The following CDH4 variants were observed in gnomAD, a reference collection of about 807,000 sequenced individuals.
The protein encoded by CDH4 is cadherin-4.
A neutral mutation model predicts 86.0 loss-of-function variants in CDH4; 33 were observed. The ratio of observed to expected loss-of-function variants is 0.38; its 90% confidence interval spans 0.29 to 0.51. The LOEUF is 0.51. CDH4 is among the 20% of genes least tolerant of loss of function. The pLI is 0.86. For synonymous variants in CDH4, 555 were observed against 549.4 expected, an observed-to-expected ratio of 1.01 and a Z score of -0.14; for missense variants, 1,114 against 1,307.4, an observed-to-expected ratio of 0.85 and a Z score of 2.28.
intron 2 of CDH4, among the ~76,000 whole-genome samples, chr20:61,373,846 TGAA>T (rs1285170012): frequency 1.3e-5 from 2 of 152,174 alleles, no homozygotes; most frequent in African/African-American, 4.8e-5. Flanking sequence ...CACAGCAGCT[TGAA>T]GAAGTAGACA....
intron 2 of CDH4, among the ~76,000 whole-genome samples, chr20:61,607,207 C>G (rs1003734776): frequency 6.6e-6 from 1 of 152,174 alleles, no homozygotes; most frequent in African/African-American, 2.4e-5. Flanking sequence ...TTTTAATCTG[C>G]GCACATATAA....
chr20:61,557,513 G>A (rs1217700130), intron 2 of CDH4, among the ~76,000 whole-genome samples: 1 of 152,196 alleles, frequency 6.6e-6, no homozygotes, highest in African/African-American at 2.4e-5. Context: ...CAGGACCTTG[G>A]TCTGCTCACT....
intron 7 of CDH4, among the ~76,000 whole-genome samples, chr20:61,884,840 G>A (rs967201262): frequency 6.6e-6 from 1 of 152,166 alleles, no homozygotes; most frequent in Non-Finnish European, 1.5e-5. Flanking sequence ...GGTGGGGGCG[G>A]GGAAGGCTTC....
At chr20:61,499,392 C>T (rs747771387) in intron 2 of CDH4, 15 of 1,202,838 alleles carry the variant, frequency 1.2e-5, no homozygotes, top group African/African-American at 3.1e-5. Flanking sequence ...AAAGGTTATG[C>T]GGGACTGGGG....
chr20:61,424,346 A>G (rs968260771), intron 2 of CDH4, among the ~76,000 whole-genome samples: 2 of 147,448 alleles, frequency 1.4e-5, no homozygotes, highest in Admixed American at 1.4e-4. Flanking sequence ...ATCCAAACAC[A>G]CTCATATCCA....
chr20:61,602,300 G>A (rs529693313), intron 2 of CDH4, among the ~76,000 whole-genome samples: 100 of 152,238 alleles, frequency 6.6e-4, no homozygotes, highest in Non-Finnish European at 1.2e-3. Context: ...GCAGACACCC[G>A]GTCCCCAGTA....
At chr20:61,409,668 G>A (rs1020238747) in intron 2 of CDH4, among the ~76,000 whole-genome samples, 3 of 152,244 alleles carry the variant, frequency 2.0e-5, no homozygotes, top group Non-Finnish European at 4.4e-5. Flanking sequence ...GTTGGTCGCA[G>A]AAATCAGTCT....
In CDH4 at chr20:61,517,945, G is replaced by A. The variant is rs2085834911; in HGVS notation, c.170-225618G>A. Reference sequence around the variant, plus strand: ...ACAGACACAGCCAGACAGCTTCTGGGGCTGATTGCCCCTGGATGGGCCTCT... The same window carrying A: ...ACAGACACAGCCAGACAGCTTCTGGAGCTGATTGCCCCTGGATGGGCCTCT... On this transcript the variant is annotated intron_variant, in intron 2 of 15. Transcript: ENST00000614565. The surrounding 1 kb of genome is among the most constrained non-coding windows in gnomAD (Gnocchi z 6.6). 6.6e-6 allele frequency among the ~76,000 whole-genome samples: 1 copy of A among 152,154 alleles called. No individual in the cohort carries two copies. Among genetic ancestry groups the A allele is most frequent in the African/African-American group, 2.4e-5 (1 of 41,440 alleles).
At chr20:61,266,397 G>T (rs2084158344) in intron 2 of CDH4, among the ~76,000 whole-genome samples, 1 of 151,972 alleles carries the variant, frequency 6.6e-6, no homozygotes, top group Non-Finnish European at 1.5e-5. Flanking sequence ...TCAGGAGTGT[G>T]CCCTTGGGTT....
chr20:61,561,890 C>T (rs1179234201), intron 2 of CDH4, among the ~76,000 whole-genome samples: 2 of 152,264 alleles, frequency 1.3e-5, no homozygotes, highest in African/African-American at 2.4e-5. Context: ...CCAGTGGCTG[C>T]ATGCGCCATG....
At chr20:61,355,418 T>C (rs2084743218) in intron 2 of CDH4, among the ~76,000 whole-genome samples, 1 of 152,010 alleles carries the variant, frequency 6.6e-6, no homozygotes, top group Non-Finnish European at 1.5e-5. Flanking sequence ...GGGAAGGTGA[T>C]TGGGGGTGAA....
intron 2 of CDH4, among the ~76,000 whole-genome samples, chr20:61,550,701 T>C (rs1000074282): frequency 6.6e-6 from 1 of 152,154 alleles, no homozygotes; most frequent in Non-Finnish European, 1.5e-5. Flanking sequence ...ACCGGAGCCC[T>C]CCTCTTCTTT....
intron 3 of CDH4, among the ~76,000 whole-genome samples, chr20:61,765,884 C>A (rs2088692654): frequency 6.6e-6 from 1 of 152,092 alleles, no homozygotes; most frequent in African/African-American, 2.4e-5. Context: ...AAGTCACTTG[C>A]TGGGGTCACC....
Position 61,598,700 on chromosome 20 carries a change from C to G in CDH4, c.170-144863C>G, listed in dbSNP as rs185459479. On this transcript the variant is annotated intron_variant, in intron 2 of 15. Coordinates refer to ENST00000614565, the MANE Select transcript of CDH4 (RefSeq NM_001794.5). ...TTGCCGTCTGTGCCTTAGCCACAGGCCAGATCTCATCGTGTTTCTCACCCT... is the reference window on the plus strand; with the variant it reads ...TTGCCGTCTGTGCCTTAGCCACAGGGCAGATCTCATCGTGTTTCTCACCCT... 4.6e-5 allele frequency among the ~76,000 whole-genome samples: 7 copies of G among 152,332 alleles called. No homozygotes were observed. In the East Asian group the frequency reaches 1.4e-3, roughly 29 times the overall value.
chr20:61,550,537 C>T (rs2086121953), intron 2 of CDH4, among the ~76,000 whole-genome samples: 1 of 152,096 alleles, frequency 6.6e-6, no homozygotes, highest in African/African-American at 2.4e-5. Flanking sequence ...CCCCATCTAC[C>T]CACCCCTCCA....
rs1463633396 is a variant in CDH4, at chr20:61,518,595, A to G, written c.170-224968A>G. ...CTATCCATCCATATATCATCCATCC[A>G]TCATCATCCACTCATCCATCCATCC... On this transcript the variant is annotated intron_variant, in intron 2 of 15. Transcript: ENST00000614565. The surrounding 1 kb of genome is among the most constrained non-coding windows in gnomAD (Gnocchi z 6.3). Among the ~76,000 whole-genome samples, 2 of 151,410 alleles carry G rather than the reference A, an allele frequency of 1.3e-5. No homozygotes were observed. Among genetic ancestry groups the G allele is most frequent in the Non-Finnish European group, 2.9e-5 (2 of 67,858 alleles).
At chr20:61,668,967 T>C (rs1654953615) in intron 2 of CDH4, among the ~76,000 whole-genome samples, 1 of 152,296 alleles carries the variant, frequency 6.6e-6, no homozygotes, top group African/African-American at 2.4e-5. Flanking sequence ...GGGACAACCC[T>C]GGGAAGCCAG....
At chr20:61,878,201 G>T (rs1984128890) in intron 7 of CDH4, among the ~76,000 whole-genome samples, 1 of 152,216 alleles carries the variant, frequency 6.6e-6, no homozygotes, top group Non-Finnish European at 1.5e-5. Flanking sequence ...GTGCCCGGCA[G>T]CAGGACCCCT....
intron 2 of CDH4, among the ~76,000 whole-genome samples, chr20:61,320,712 C>T (rs938293266): frequency 2.0e-5 from 3 of 151,712 alleles, no homozygotes; most frequent in East Asian, 3.9e-4. Context: ...CTGCTGAGGT[C>T]GAGGAAGCCT....
Sources: gnomAD v4.1 joint callset for allele counts (sites outside exome capture counted in the v4.1 genomes callset) on GRCh38, gnomAD v4.1.1 for gene constraint, Gnocchi (gnomAD v3.1) non-coding constraint, MANE v1.5 for transcripts, NCBI Gene and HGNC (gene_info 2026-07-23, HGNC 2026-07-21) for gene names.